The following ZMYM4 variants were observed in gnomAD, a reference collection of about 807,000 sequenced individuals.
ZMYM4 encodes the protein zinc finger MYM-type protein 4.
ZMYM4 carries 31 observed loss-of-function variants against 183.2 expected under a neutral mutation model. That is an observed-to-expected ratio of 0.17 (90% confidence interval 0.13 to 0.23). The LOEUF is 0.23. Among genes scored for constraint, ZMYM4 ranks in the 10% least tolerant of loss-of-function variants. ZMYM4 has a pLI of 1.00. For synonymous variants in ZMYM4, 592 were observed against 631.2 expected (o/e 0.94, Z 0.93); for missense variants, 1,273 against 1,840.3 (o/e 0.69, Z 5.64).
intron 18 of ZMYM4, among the ~76,000 whole-genome samples, chr1:35,394,737 G>C (rs1172593411): frequency 6.6e-6 from 1 of 152,114 alleles, no homozygotes; most frequent in Non-Finnish European, 1.5e-5. Context: ...GAATTTAAAT[G>C]GCTGTTTTTA....
intron 2 of ZMYM4, among the ~76,000 whole-genome samples, chr1:35,343,652 G>A (rs1251325747): frequency 6.6e-6 from 1 of 152,060 alleles, no homozygotes; most frequent in Non-Finnish European, 1.5e-5. Context: ...ATTGCCTGAG[G>A]TCAGGAGTTC....
At chr1:35,402,552 G>A (rs1171583816) in intron 23 of ZMYM4, among the ~76,000 whole-genome samples, 1 of 152,010 alleles carries the variant, frequency 6.6e-6, no homozygotes, top group Admixed American at 6.6e-5. Context: ...AGGGGGGGTC[G>A]AGGCTGCAGT....
rs1258510085 is a variant in ZMYM4 at position 35,418,693 on chromosome 1, AT to A, written c.4439+127del. 6 of 1,275,738 alleles carry A rather than the reference AT, an allele frequency of 4.7e-6. No homozygotes were observed. In the African/African-American group the frequency reaches 7.6e-5, roughly 16 times the overall value. The allele number at this position is 1,275,738 out of a possible 1,614,324, so 79.0% of individuals were successfully genotyped here. Reference sequence around the variant, plus strand: ...GGCTTTAGACAAGGATTTACCATGAATTTTTTCCCCATTGTCATATCTATGT... The same window carrying A: ...GGCTTTAGACAAGGATTTACCATGAATTTTTCCCCATTGTCATATCTATGT... On this transcript the variant is annotated intron_variant, in intron 29 of 29. Coordinates refer to ENST00000314607, the MANE Select transcript of ZMYM4 (RefSeq NM_005095.3).
chr1:35,403,951 A>T (rs1246263814), intron 23 of ZMYM4, among the ~76,000 whole-genome samples: 1 of 151,990 alleles, frequency 6.6e-6, no homozygotes, highest in Non-Finnish European at 1.5e-5. Context: ...TGTTTAATTT[A>T]TTGGCATGAG....
chr1:35,280,252 TTCTCTCTTTC>T (rs1185981996), intron 1 of ZMYM4, among the ~76,000 whole-genome samples: 2 of 149,346 alleles, frequency 1.3e-5, no homozygotes, highest in East Asian at 4.0e-4. Context: ...CTCTCTTTCT[TTCTCTCTTTC>T]TCTCTCTCTC....
intron 4 of ZMYM4, 95 bp from the exon 5 acceptor site, chr1:35,361,524 T>C: frequency 1.5e-6 from 2 of 1,375,690 alleles, no homozygotes; most frequent in Non-Finnish European, 2.0e-6. Flanking sequence ...TCCATAGAGT[T>C]CTTCATTTCC....
At chr1:35,352,642 A>T (rs1643671062) in intron 2 of ZMYM4, among the ~76,000 whole-genome samples, 2 of 152,120 alleles carry the variant, frequency 1.3e-5, no homozygotes, top group Admixed American at 6.6e-5. Context: ...TTTATCAGTC[A>T]TCTCAGCAGC....
chr1:35,292,939 G>A (rs1036908422), intron 1 of ZMYM4, among the ~76,000 whole-genome samples: 4 of 152,068 alleles, frequency 2.6e-5, no homozygotes, highest in African/African-American at 9.7e-5. Flanking sequence ...ACATGAGGGA[G>A]AAGGTGAAGT....
At chr1:35,299,049 T>G (rs1007522450) in intron 1 of ZMYM4, among the ~76,000 whole-genome samples, 1 of 151,668 alleles carries the variant, frequency 6.6e-6, no homozygotes, top group African/African-American at 2.4e-5. Context: ...TTTTTTTTTT[T>G]AAGAAACAGA....
intron 2 of ZMYM4, among the ~76,000 whole-genome samples, chr1:35,350,153 C>T (rs545481179): frequency 1.4e-5 from 2 of 144,780 alleles, no homozygotes; most frequent in East Asian, 2.0e-4. Flanking sequence ...TTTGTAGAGA[C>T]GAGGTCTTGC....
intron 23 of ZMYM4, among the ~76,000 whole-genome samples, chr1:35,404,041 T>TA: frequency 1.3e-5 from 2 of 152,298 alleles, no homozygotes; most frequent in Admixed American, 1.3e-4. Flanking sequence ...GCCTGGGTTT[T>TA]AATTTGGATT....
chr1:35,396,018 CTAGAG>C lies in ZMYM4; in HGVS notation c.2912-530_2912-526del, dbSNP rs145729132. Among the ~76,000 whole-genome samples the C allele has an allele frequency of 2.5e-3, 384 of 152,268 alleles. 1 individual carries two copies. Among genetic ancestry groups the C allele is most frequent in the African/African-American group, 8.9e-3 (370 of 41,556 alleles). Reference sequence around the variant, plus strand: ...TATTCTTTTTTGTAGGTATCATAACCTAGAGTAGTCTCCCATCATCTTAGCTCTAC... The same window carrying C: ...TATTCTTTTTTGTAGGTATCATAACCTAGTCTCCCATCATCTTAGCTCTAC... On this transcript the variant is annotated intron_variant, in intron 18 of 29. Coordinates refer to ENST00000314607, the MANE Select transcript of ZMYM4 (RefSeq NM_005095.3).
chr1:35,368,057 C>A (rs1644129283), intron 5 of ZMYM4, among the ~76,000 whole-genome samples: 1 of 134,968 alleles, frequency 7.4e-6, no homozygotes, highest in South Asian at 2.4e-4. Context: ...GGGCCAAATC[C>A]AGCGCCCCCC....
chr1:35,418,417 C>CT (rs1486981891), intron 28 of ZMYM4, 26 bp from the exon 29 acceptor site: 3 of 1,609,462 alleles, frequency 1.9e-6, no homozygotes, highest in Non-Finnish European at 2.5e-6. Flanking sequence ...TAATATAATC[C>CT]TTTGATTATT....
At chr1:35,405,536 T>C in intron 25 of ZMYM4, 68 bp downstream of exon 25, 4 of 1,215,800 alleles carry the variant, frequency 3.3e-6, no homozygotes, top group Non-Finnish European at 4.5e-6. Context: ...AATTTGTAAA[T>C]TGAATATTTA....
At chr1:35,411,939 G>A (rs1262208544) in intron 26 of ZMYM4, among the ~76,000 whole-genome samples, 1 of 152,162 alleles carries the variant, frequency 6.6e-6, no homozygotes, top group Non-Finnish European at 1.5e-5. Context: ...CTGGAGTGCA[G>A]TGGCACAATC....
intron 7 of ZMYM4, among the ~76,000 whole-genome samples, chr1:35,371,086 TGTGTGTGTGTGTGTGTGTGTGC>T (rs1053766168): frequency 2.4e-5 from 3 of 123,250 alleles, no homozygotes; most frequent in Non-Finnish European, 5.0e-5. Context: ...TGTGTGTGTG[TGTGTGTGTGTGTGTGTGTGTGC>T]GCACATTTAT....
chr1:35,285,586 TACA>T (rs1388933099), intron 1 of ZMYM4, among the ~76,000 whole-genome samples: 3 of 152,006 alleles, frequency 2.0e-5, no homozygotes, highest in African/African-American at 4.8e-5. Flanking sequence ...GGAAAAAAAA[TACA>T]ACATTTAAAA....
intron 1 of ZMYM4, among the ~76,000 whole-genome samples, chr1:35,289,430 G>T (rs551919148): frequency 6.6e-6 from 1 of 152,308 alleles, no homozygotes; most frequent in East Asian, 1.9e-4. Context: ...TAACCCCTAG[G>T]TAGCAGGGTT....
Sources: gnomAD v4.1 joint callset for allele counts (sites outside exome capture counted in the v4.1 genomes callset) on GRCh38, gnomAD v4.1.1 for gene constraint, MANE v1.5 for transcripts, NCBI Gene and HGNC (gene_info 2026-07-23, HGNC 2026-07-21) for gene names.